RBFOX1: variants seen among roughly 807,000 people sequenced by gnomAD.
RBFOX1 encodes RNA binding protein fox-1 homolog 1.
A neutral mutation model predicts 57.7 loss-of-function variants in RBFOX1; 8 were observed. The ratio of observed to expected loss-of-function variants is 0.14; its 90% confidence interval spans 0.08 to 0.25. RBFOX1 has a LOEUF of 0.25. Among genes scored for constraint, RBFOX1 ranks in the 10% least tolerant of loss-of-function variants. The probability of loss-of-function intolerance (pLI) is 1.00; values close to 1 mark genes in which losing one functional copy is unlikely to be tolerated. For missense variants in RBFOX1, 611 were observed against 548.5 expected (o/e 1.11, Z -1.14); for synonymous variants, 326 against 222.4 (o/e 1.47, Z -4.15).
At chr16:5,299,895 C>G (rs1456708864) in intron 1 of RBFOX1, among the ~76,000 whole-genome samples, 1 of 152,060 alleles carries the variant, frequency 6.6e-6, no homozygotes, top group East Asian at 1.9e-4. Context: ...CATTGTTTTA[C>G]TGCTAAATAT....
intron 4 of RBFOX1, among the ~76,000 whole-genome samples, chr16:7,063,954 G>C (rs1256752609): frequency 1.3e-5 from 2 of 152,104 alleles, no homozygotes; most frequent in African/African-American, 2.4e-5. Context: ...AGGAAGTCTT[G>C]ACACCAAGGT....
At chr16:7,238,491 A>G (rs1323968531) in intron 4 of RBFOX1, among the ~76,000 whole-genome samples, 1 of 151,352 alleles carries the variant, frequency 6.6e-6, no homozygotes, top group African/African-American at 2.4e-5. Flanking sequence ...TTTACTTAGT[A>G]CTTTTTCCTA....
chr16:6,111,306 C>G (rs1024703289), intron 1 of RBFOX1, among the ~76,000 whole-genome samples: 2 of 152,172 alleles, frequency 1.3e-5, no homozygotes, highest in African/African-American at 4.8e-5. Context: ...ACCACTCTGT[C>G]TCAAGACTCA....
At chr16:5,920,858 A>G (rs1323359719) in intron 4 of RBFOX1, among the ~76,000 whole-genome samples, 1 of 152,134 alleles carries the variant, frequency 6.6e-6, no homozygotes, top group African/African-American at 2.4e-5. Context: ...TATCACAAGG[A>G]TCTTAAAGGA....
At chr16:7,705,242 C>G (rs1476554814) in intron 14 of RBFOX1, among the ~76,000 whole-genome samples, 1 of 151,984 alleles carries the variant, frequency 6.6e-6, no homozygotes, top group Non-Finnish European at 1.5e-5. Flanking sequence ...CATGGTGGCT[C>G]ATGCGTGTAA....
chr16:5,475,066 T>C (rs2056030570), intron 2 of RBFOX1, among the ~76,000 whole-genome samples: 3 of 152,170 alleles, frequency 2.0e-5, no homozygotes, highest in Admixed American at 2.0e-4. Context: ...TTGTTGTAGG[T>C]GTCTCTTGGA....
At chr16:5,586,611 T>C (rs2046837016) in intron 2 of RBFOX1, among the ~76,000 whole-genome samples, 1 of 152,278 alleles carries the variant, frequency 6.6e-6, no homozygotes, top group Admixed American at 6.5e-5. Context: ...AATCTCCCCA[T>C]TGCAGCTCCT....
At chr16:6,573,598 G>A (rs989199193) in intron 2 of RBFOX1, among the ~76,000 whole-genome samples, 1 of 152,158 alleles carries the variant, frequency 6.6e-6, no homozygotes, top group Non-Finnish European at 1.5e-5. Flanking sequence ...GAAAGGAAGC[G>A]GTGTTTTTGG....
chr16:7,277,960 A>G (rs1405103689), intron 4 of RBFOX1, among the ~76,000 whole-genome samples: 1 of 152,144 alleles, frequency 6.6e-6, no homozygotes, highest in Non-Finnish European at 1.5e-5. Flanking sequence ...AAAAAAAAAA[A>G]AAGGTACTAA....
At chr16:7,429,909 T>G (rs2098662070) in intron 4 of RBFOX1, among the ~76,000 whole-genome samples, 1 of 152,188 alleles carries the variant, frequency 6.6e-6, no homozygotes, top group African/African-American at 2.4e-5. Flanking sequence ...GTAAACAAAA[T>G]ACACAAAAAT....
chr16:6,684,969 G>A (rs549660653), intron 3 of RBFOX1, among the ~76,000 whole-genome samples: 1 of 152,080 alleles, frequency 6.6e-6, no homozygotes. Context: ...CTCTTTGGCA[G>A]GTTGTATTAG....
intron 4 of RBFOX1, among the ~76,000 whole-genome samples, chr16:7,473,505 A>G (rs1308674979): frequency 6.7e-6 from 1 of 148,316 alleles, no homozygotes; most frequent in South Asian, 2.1e-4. Flanking sequence ...ATATATGTAC[A>G]TATGTATTAT....
intron 14 of RBFOX1, among the ~76,000 whole-genome samples, chr16:7,703,269 G>A (rs1012133946): frequency 8.5e-5 from 13 of 152,192 alleles, no homozygotes; most frequent in African/African-American, 3.1e-4. Flanking sequence ...ATTGATCCCT[G>A]GTGAGACATC....
intron 4 of RBFOX1, among the ~76,000 whole-genome samples, chr16:7,198,136 G>C (rs2087270012): frequency 6.7e-6 from 1 of 149,716 alleles, no homozygotes; most frequent in African/African-American, 2.5e-5. Flanking sequence ...CTCCCAAGTA[G>C]CTGGGACTAC....
chr16:6,669,775 C>G lies in RBFOX1; in HGVS notation c.-16+15125C>G, dbSNP rs756859138. Among the ~76,000 whole-genome samples, 34 of 152,230 alleles carry G rather than the reference C, an allele frequency of 2.2e-4. 1 individual carries two copies. Among genetic ancestry groups the G allele is most frequent in the Non-Finnish European group, 2.2e-4 (15 of 68,018 alleles). On this transcript the variant is annotated intron_variant, in intron 3 of 15. Transcript: ENST00000550418. The stretch of plus-strand genomic sequence containing the variant: ...CAGAACCTTCAGAATAGAAAAGGTC[C>G]TAAGCTTAAGGACTTCTAGCTTTTG...
intron 3 of RBFOX1, among the ~76,000 whole-genome samples, chr16:6,912,198 T>G (rs1447357023): frequency 6.6e-6 from 1 of 152,214 alleles, no homozygotes; most frequent in African/African-American, 2.4e-5. Flanking sequence ...AATTCCCACG[T>G]GGAGTAATTT....
intron 4 of RBFOX1, among the ~76,000 whole-genome samples, chr16:7,434,754 T>G (rs1433820862): frequency 6.6e-6 from 1 of 150,576 alleles, no homozygotes; most frequent in Non-Finnish European, 1.5e-5. Context: ...TTTTTTTCTT[T>G]CCTGAGATTG....
At chr16:7,501,253 G>A (rs2070750638) in intron 4 of RBFOX1, among the ~76,000 whole-genome samples, 1 of 152,182 alleles carries the variant, frequency 6.6e-6, no homozygotes, top group African/African-American at 2.4e-5. Flanking sequence ...TCTATTTCAA[G>A]CACTAGAGTT....
chr16:7,142,046 C>G (rs2073930617), intron 4 of RBFOX1, among the ~76,000 whole-genome samples: 1 of 151,890 alleles, frequency 6.6e-6, no homozygotes, highest in Non-Finnish European at 1.5e-5. Flanking sequence ...TTATCTGAGA[C>G]AGGGTCTCAC....
Sources: gnomAD v4.1 joint callset for allele counts (sites outside exome capture counted in the v4.1 genomes callset) on GRCh38, gnomAD v4.1.1 for gene constraint, MANE v1.5 for transcripts, NCBI Gene and HGNC (gene_info 2026-07-23, HGNC 2026-07-21) for gene names.